Variants in ZNF217 observed in about 807,000 individuals in gnomAD.
The protein encoded by ZNF217 is zinc finger protein 217.
Under a neutral mutation model 73.3 loss-of-function variants are expected in ZNF217, and 12 were observed. That is an observed-to-expected ratio of 0.16 (90% CI 0.10 to 0.27). The LOEUF (loss-of-function observed/expected upper bound fraction) is 0.27. Among genes scored for constraint, ZNF217 ranks in the 10% least tolerant of loss-of-function variants. The pLI, the probability that ZNF217 is intolerant of heterozygous loss-of-function variation, is 1.00. For synonymous variants in ZNF217, 588 were observed against 516.4 expected (o/e 1.14, Z -1.88); for missense variants, 1,195 against 1,327.8 (o/e 0.90, Z 1.55).
intron 5 of ZNF217, 53 bp downstream of exon 5, chr20:53,571,668 A>C (rs1555927): frequency 7.9e-5 from 123 of 1,557,628 alleles, no homozygotes; most frequent in Non-Finnish European, 1.0e-4. Flanking sequence ...TGACCTCCCA[A>C]ATGGCCACCG....
At position 53,576,550 on chromosome 20, in the gene ZNF217, G is replaced by A. The variant is rs140208007; in HGVS notation, c.2214C>T (p.Asp738=). The part of the protein sequence containing the change: ...HQRLEHKYNP[D]VHKNCRNKSL... ...ACTTGTTTCGACAGTTTTTATGAAC[G>A]TCAGGATTGTATTTATGCTCCAGTC... is the stretch of plus-strand genomic sequence containing the variant. The change falls in exon 4 of 6, where the codon GAC becomes GAT. Residue 738 remains aspartate (D), a synonymous_variant. Transcript: ENST00000371471. The A allele has an allele frequency of 2.9e-4, 467 of 1,614,222 alleles. 2 individuals are homozygous for A. The Middle Eastern group carries it at 3.1e-3, about 11-fold the overall frequency.
At chr20:53,597,262 G>A (rs1008974380), upstream of ZNF217, among the ~76,000 whole-genome samples, 3 of 152,148 alleles carry the variant, frequency 2.0e-5, no homozygotes, top group Admixed American at 2.0e-4. Context: ...GAAACTGTGT[G>A]TAAATCCCTG....
chr20:53,581,957 G>C lies in ZNF217; in HGVS notation c.870C>G (p.Leu290=), dbSNP rs770936585. 1 of 1,614,192 alleles carries C rather than the reference G, an allele frequency of 6.2e-7. No homozygotes were observed. The highest frequency in any genetic ancestry group is 8.5e-7 in the Non-Finnish European group (1 of 1,180,042). The part of the protein sequence containing the change: ...GKKPVRCIPQ[L]DPFTTFQAWQ... ...AAGCCTGGAAGGTGGTGAACGGATC[G>C]AGCTGAGGGATGCATCTGACAGGCT... Residue 290 remains leucine (L), a synonymous_variant, in exon 2 of 6, where the codon CTC becomes CTG. Coordinates refer to ENST00000371471, the MANE Select transcript of ZNF217 (RefSeq NM_006526.3). This position sits in a 1 kb window ranked among gnomAD's most constrained non-coding sequence, Gnocchi z 4.9.
At chr20:53,571,209 T>G (rs1221177697) in intron 5 of ZNF217, among the ~76,000 whole-genome samples, 1 of 152,188 alleles carries the variant, frequency 6.6e-6, no homozygotes, top group Non-Finnish European at 1.5e-5. Context: ...ATTCAATGCC[T>G]AGCACAAAGT....
At chr20:53,583,383 C>G (rs906725766) in intron 1 of ZNF217, among the ~76,000 whole-genome samples, 1 of 152,184 alleles carries the variant, frequency 6.6e-6, no homozygotes, top group African/African-American at 2.4e-5. Flanking sequence ...GAATTTCATC[C>G]AGTTAAAATC....
Position 53,582,472 on chromosome 20 carries a change from T to C in ZNF217, c.355A>G (p.Lys119Glu). 6.2e-7 allele frequency: 1 copy of C among 1,614,158 alleles called. No homozygotes were observed. Among genetic ancestry groups the C allele is most frequent in the Non-Finnish European group, 8.5e-7 (1 of 1,180,028 alleles). The change falls in exon 2 of 6, where the codon AAG (lysine) becomes GAG (glutamate). Residue 119 changes from lysine to glutamate, a missense_variant. By Grantham distance (56) the Lys-to-Glu change is moderately conservative (BLOSUM62 1). This residue lies in a region of ZNF217 where 147 missense variants were observed against 184.3 expected (regional missense o/e 0.80). Coordinates refer to ENST00000371471, the MANE Select transcript of ZNF217 (RefSeq NM_006526.3). This position sits in a 1 kb window ranked among gnomAD's most constrained non-coding sequence, Gnocchi z 4.8. ...TCATTTTCCTTGCAATTCTTTTCCTTGGGAGGTTCTGTTCGCACTTGACTT... is the reference window on the plus strand; with the variant it reads ...TCATTTTCCTTGCAATTCTTTTCCTCGGGAGGTTCTGTTCGCACTTGACTT... ...DKSQVRTEPP[K>E]EKNCKENEFS...
In ZNF217 at chr20:53,581,599, T is replaced by C. The variant is rs6068589; in HGVS notation, c.1228A>G (p.Met410Val). Residue 410 changes from methionine to valine, a missense_variant, in exon 2 of 6, where the codon ATG becomes GTG. Physicochemically the swap from Met to Val is conservative, Grantham distance 21. Transcript: ENST00000371471. This position sits in a 1 kb window ranked among gnomAD's most constrained non-coding sequence, Gnocchi z 4.9. Reference sequence around the variant, plus strand: ...CCCGGCTGCCTCCCGTCCACAGACATGGTGGGCGACTCCGCGCCGGCCCTC... The same window carrying C: ...CCCGGCTGCCTCCCGTCCACAGACACGGTGGGCGACTCCGCGCCGGCCCTC... ...DRRAGAESPTMSVDGRQPGTC... is the reference protein window; with the variant it reads ...DRRAGAESPTVSVDGRQPGTC... The C allele has an allele frequency of 7.8e-3, 12,585 of 1,614,112 alleles. 193 individuals are homozygous for C. The highest frequency in any genetic ancestry group is 0.047 in the South Asian group (4,300 of 91,080).
At chr20:53,586,005 C>T (rs1486165768) in intron 1 of ZNF217, among the ~76,000 whole-genome samples, 1 of 152,200 alleles carries the variant, frequency 6.6e-6, no homozygotes, top group African/African-American at 2.4e-5. Context: ...TGTGCCATCC[C>T]TGACTACCCA....
chr20:53,573,900 G>A (rs13036836), intron 4 of ZNF217, among the ~76,000 whole-genome samples: 7,777 of 152,030 alleles, frequency 0.051, 317 homozygotes, highest in East Asian at 0.15. Flanking sequence ...GCGAAATGCC[G>A]TCTCTACTAA....
At chr20:53,569,825 G>A (rs1987915948) in intron 5 of ZNF217, among the ~76,000 whole-genome samples, 1 of 152,146 alleles carries the variant, frequency 6.6e-6, no homozygotes, top group Admixed American at 6.6e-5. Flanking sequence ...AAAGGCAGTT[G>A]CCATGCACAA....
chr20:53,582,123 C>T lies in ZNF217; in HGVS notation c.704G>A (p.Arg235His), dbSNP rs772164413. Residue 235 changes from arginine (R) to histidine (H), a missense_variant, in exon 2 of 6, where the codon CGC becomes CAC. Transcript: ENST00000371471. This position sits in a 1 kb window ranked among gnomAD's most constrained non-coding sequence, Gnocchi z 4.8. ...AGCAGTTTTTTTGGTGTGCACCTTGCGGTGCTCAATTAGACTTTCTTTATT... is the reference window on the plus strand; with the variant it reads ...AGCAGTTTTTTTGGTGTGCACCTTGTGGTGCTCAATTAGACTTTCTTTATT... ...FPNKESLIEH[R>H]KVHTKKTAFG... 7.4e-6 allele frequency: 12 copies of T among 1,614,062 alleles called. No individual in the cohort carries two copies. Among genetic ancestry groups the T allele is most frequent in the Admixed American group, 5.0e-5 (3 of 60,000 alleles).
At chr20:53,571,400 G>GCC (rs200475677) in intron 5 of ZNF217, among the ~76,000 whole-genome samples, 5 of 19,848 alleles carry the variant, frequency 2.5e-4, no homozygotes, top group African/African-American at 1.3e-3. Flanking sequence ...ATCAATCCCC[G>GCC]CCCCCGCCCC....
chr20:53,576,181 C>T lies in ZNF217; in HGVS notation c.2583G>A (p.Leu861=), dbSNP rs1355948752. 1 of 1,614,174 alleles carries T rather than the reference C, an allele frequency of 6.2e-7. No individual in the cohort carries two copies. Among genetic ancestry groups the T allele is most frequent in the Admixed American group, 1.7e-5 (1 of 60,008 alleles). Residue 861 remains leucine (L), a synonymous_variant, in exon 4 of 6, where the codon TTG becomes TTA. Transcript: ENST00000371471. Reference sequence around the variant, plus strand: ...GAGAAGGAGCTACTGGAAGAGGTTTCAATTTTGTCTCGGGTCTTTTTGTCT... The same window carrying T: ...GAGAAGGAGCTACTGGAAGAGGTTTTAATTTTGTCTCGGGTCTTTTTGTCT... ...PDKTKRPETK[L]KPLPVAPSQP... is the part of the protein sequence containing the mutation.
At chr20:53,595,857 T>A (rs900177272), upstream of ZNF217, among the ~76,000 whole-genome samples, 10 of 152,204 alleles carry the variant, frequency 6.6e-5, no homozygotes, top group African/African-American at 2.4e-4. Flanking sequence ...ACTATGAGCC[T>A]TGCTACACAA....
intron 2 of ZNF217, among the ~76,000 whole-genome samples, chr20:53,579,232 A>C (rs1057320384): frequency 6.6e-6 from 1 of 152,182 alleles, no homozygotes; most frequent in Non-Finnish European, 1.5e-5. Context: ...AGCCCTCCAA[A>C]AGACAATCAG....
At position 53,593,834 on chromosome 20, in the gene ZNF217, T is replaced by A; in HGVS notation, c.-421A>T. On this transcript the variant is annotated 5_prime_UTR_variant, in exon 1 of 6. Transcript: ENST00000371471. ...CTGACACCACTCGGGCCGGCCGGGT[T>A]TGAATGAGGAGGAGCGGGCGCGGAG... is the stretch of plus-strand genomic sequence containing the variant. The A allele has an allele frequency of 6.9e-6, 1 of 144,674 alleles. No individual in the cohort carries two copies. Among genetic ancestry groups the A allele is most frequent in the South Asian group, 2.3e-4 (1 of 4,432 alleles). The allele number at this position is 144,674 out of a possible 1,614,324, so 9.0% of individuals were successfully genotyped here.
Position 53,581,679 on chromosome 20 carries a change from G to C in ZNF217, c.1148C>G (p.Ala383Gly), listed in dbSNP as rs769119518. 6.2e-7 allele frequency: 1 copy of C among 1,614,256 alleles called. No individual in the cohort carries two copies. Among genetic ancestry groups the C allele is most frequent in the Admixed American group, 1.7e-5 (1 of 60,034 alleles). ...KPTHCSECGKAFRTYHQLVLH... is the reference protein window; with the variant it reads ...KPTHCSECGKGFRTYHQLVLH... ...GACCAGCTGGTGGTAGGTTCTGAAA[G>C]CTTTGCCGCACTCGGAGCAGTGAGT... The change falls in exon 2 of 6, where the codon GCT (alanine) becomes GGT (glycine). Residue 383 changes from alanine to glycine, a missense_variant. By Grantham distance (60) the Ala-to-Gly change is moderately conservative. Coordinates refer to ENST00000371471, the MANE Select transcript of ZNF217 (RefSeq NM_006526.3). The surrounding 1 kb of genome is among the most constrained non-coding windows in gnomAD (Gnocchi z 4.9).
intron 2 of ZNF217, among the ~76,000 whole-genome samples, chr20:53,578,865 G>A (rs1293418961): frequency 6.6e-6 from 1 of 152,128 alleles, no homozygotes; most frequent in Non-Finnish European, 1.5e-5. Context: ...TTAGAAAAAT[G>A]AGCCAATTAC....
chr20:53,576,220 G>T lies in ZNF217; in HGVS notation c.2544C>A (p.Ser848=), dbSNP rs757993129. ...QSEMFPKTSV[S]PAPDKTKRPE... ...GTCTTTTTGTCTTATCCGGTGCAGG[G>T]GAAACACTGGTTTTAGGAAACATCT... The change falls in exon 4 of 6, where the codon TCC becomes TCA. Residue 848 remains serine (S), a synonymous_variant. Coordinates refer to ENST00000371471, the MANE Select transcript of ZNF217 (RefSeq NM_006526.3). 3.7e-6 allele frequency: 6 copies of T among 1,614,182 alleles called. No individual in the cohort carries two copies. Among genetic ancestry groups the T allele is most frequent in the Non-Finnish European group, 5.1e-6 (6 of 1,180,044 alleles).
Sources: gnomAD v4.1 joint callset for allele counts (sites outside exome capture counted in the v4.1 genomes callset) on GRCh38, gnomAD v4.1.1 for gene constraint, gnomAD v4.1.1 regional missense constraint, Gnocchi (gnomAD v3.1) non-coding constraint, MANE v1.5 for transcripts, NCBI Gene and HGNC (gene_info 2026-07-23, HGNC 2026-07-21) for gene names.